The following SLC27A3 variants were observed in gnomAD, a reference collection of about 807,000 sequenced individuals.
SLC27A3 encodes the protein solute carrier family 27 member 3, also known as long-chain fatty acid transport protein 3.
Under a neutral mutation model 60.1 loss-of-function variants are expected in SLC27A3, and 60 were observed. The observed-to-expected ratio is 1.00, with a 90% CI of 0.81 to 1.24. The LOEUF (loss-of-function observed/expected upper bound fraction) is 1.24, where lower values mean the gene tolerates loss of function less well. Ranked by LOEUF, SLC27A3 falls within the 50% of genes most tolerant of loss-of-function variation. The probability of loss-of-function intolerance (pLI) is 0.00; values close to 1 mark genes in which losing one functional copy is unlikely to be tolerated. For missense variants in SLC27A3, 1,079 were observed against 929.9 expected (o/e 1.16, Z -2.09); for synonymous variants, 455 against 409.0 (o/e 1.11, Z -1.36).
Position 153,780,109 on chromosome 1 carries a change from A to G in SLC27A3, c.*107A>G, listed in dbSNP as rs1164737921. ...TTTCTATACCAGAACTGCGGTCACT[A>G]TTTTGTAATAAATGTGGCTGGAGCT... On this transcript the variant is annotated 3_prime_UTR_variant, in exon 10 of 10. Transcript: ENST00000624995. 2 of 982,938 alleles carry G rather than the reference A, an allele frequency of 2.0e-6. No individual in the cohort carries two copies. The highest frequency in any genetic ancestry group is 2.6e-5 in the East Asian group (1 of 37,848). The allele number at this position is 982,938 out of a possible 1,614,324, so 60.9% of individuals were successfully genotyped here.
intron 7 of SLC27A3, 64 bp downstream of exon 7, chr1:153,778,949 C>T: frequency 6.5e-7 from 1 of 1,546,404 alleles, no homozygotes; most frequent in East Asian, 2.2e-5. Flanking sequence ...AGCTTCTGAA[C>T]CTCAACTCTC....
rs753812754 is a variant in SLC27A3 at position 153,777,808 on chromosome 1, G to A, written c.1084G>A (p.Glu362Lys). 1.2e-6 allele frequency: 2 copies of A among 1,614,258 alleles called. No homozygotes were observed. The highest frequency in any genetic ancestry group is 3.3e-5 in the Admixed American group (2 of 60,032). ...KSKFSAGQFWEDCQQHRVTVF... is the reference protein window; with the variant it reads ...KSKFSAGQFWKDCQQHRVTVF... ...CAAGTTCTCGGCTGGTCAGTTCTGG[G>A]AAGATTGCCAGCAGCACAGGGTGAC... Residue 362 changes from glutamate (E) to lysine (K), a missense_variant, in exon 4 of 10, where the codon GAA becomes AAA. By Grantham distance (56) the Glu-to-Lys change is moderately conservative. Transcript: ENST00000624995.
In SLC27A3 at chr1:153,777,084, C is replaced by G. The variant is rs756222831; in HGVS notation, c.900C>G (p.Ile300Met). Residue 300 changes from isoleucine (I) to methionine (M), a missense_variant, in exon 3 of 10, where the codon ATC (isoleucine) becomes ATG (methionine). By Grantham distance (10) the Ile-to-Met change is conservative. Coordinates refer to ENST00000624995, the MANE Select transcript of SLC27A3 (RefSeq NM_024330.4). ...GTTGLPKAAR[I>M]SHLKILQCQG... The stretch of plus-strand genomic sequence containing the variant: ...CAGGCCTCCCCAAGGCTGCTCGGAT[C>G]AGTCATCTGAAGATCCTGCAATGCC... 2.5e-6 allele frequency: 4 copies of G among 1,614,222 alleles called. No homozygotes were observed.
chr1:153,777,961 CAG>C (rs1176149519), intron 4 of SLC27A3, 76 bp downstream of exon 4: 2 of 1,596,606 alleles, frequency 1.3e-6, no homozygotes, highest in Non-Finnish European at 1.7e-6. Context: ...TGACAGGAGA[CAG>C]GGAGTTGGAG....
chr1:153,775,857 C>A lies in SLC27A3; in HGVS notation c.360C>A (p.Gly120=). ...ALGWDWGPDG[G]DSGEGSAGEG... The stretch of plus-strand genomic sequence containing the variant: ...GCTGGGACTGGGGACCCGACGGCGG[C>A]GACAGCGGCGAGGGGAGCGCTGGAG... Residue 120 remains glycine, a synonymous_variant, in exon 1 of 10, where the codon GGC becomes GGA. Transcript: ENST00000624995. The A allele has an allele frequency of 6.7e-7, 1 of 1,490,850 alleles. No homozygotes were observed. The highest frequency in any genetic ancestry group is 8.9e-7 in the Non-Finnish European group (1 of 1,125,116). The allele number at this position is 1,490,850 out of a possible 1,614,324, so 92.4% of individuals were successfully genotyped here.
In SLC27A3 at chr1:153,777,207, C is replaced by T. The variant is rs1412240855; in HGVS notation, c.1023C>T (p.Gly341=). 1.9e-6 allele frequency: 3 copies of T among 1,614,228 alleles called. No homozygotes were observed. Among genetic ancestry groups the T allele is most frequent in the Non-Finnish European group, 2.5e-6 (3 of 1,180,030 alleles). ...CCGGTTCCCTGCTGGGCATCGTGGG[C>T]TGCATGGGCATTGGTCAGTCTCCCC... The part of the protein sequence containing the change: ...HMSGSLLGIV[G]CMGIGATVVL... Residue 341 remains glycine, a synonymous_variant, in exon 3 of 10, where the codon GGC becomes GGT. Transcript: ENST00000624995.
rs202144977 is a variant in SLC27A3, at chr1:153,779,493, G to A, written c.1875+20G>A. The A allele has an allele frequency of 3.4e-5, 55 of 1,605,214 alleles. No individual in the cohort carries two copies. The highest frequency in any genetic ancestry group is 1.1e-4 in the East Asian group (5 of 44,810). On this transcript the variant is annotated intron_variant, in intron 9 of 9. Transcript: ENST00000624995. Reference sequence around the variant, plus strand: ...CTCCAGGTAACCGGCCACTTCCCCCGCCGGCCCCTCACCCCATATATCCTC... The same window carrying A: ...CTCCAGGTAACCGGCCACTTCCCCCACCGGCCCCTCACCCCATATATCCTC...
Position 153,778,698 on chromosome 1 carries a change from C to T in SLC27A3, c.1459C>T (p.Leu487=). The change falls in exon 7 of 10, where the codon CTG becomes TTG. Residue 487 remains leucine (L), a synonymous_variant. Transcript: ENST00000624995. ...CMATSPGEPG[L]LVAPVSQQSP... ...GGTGACTCTGCCAGGTGAGCCAGGG[C>T]TGCTGGTGGCCCCGGTAAGCCAGCA... The T allele has an allele frequency of 6.2e-7, 1 of 1,612,916 alleles. No homozygotes were observed. The highest frequency in any genetic ancestry group is 8.5e-7 in the Non-Finnish European group (1 of 1,179,948).
chr1:153,780,153 C>A lies in SLC27A3; in HGVS notation c.*151C>A. On this transcript the variant is annotated 3_prime_UTR_variant, in exon 10 of 10. Transcript: ENST00000624995. ...TGGAGCTGATCCAGCTGTCTCTGAC[C>A]TACAGTATCTGTCATTATCTCTCTG... is the stretch of plus-strand genomic sequence containing the variant. 1.5e-6 allele frequency: 1 copy of A among 682,936 alleles called. No homozygotes were observed. The highest frequency in any genetic ancestry group is 2.4e-6 in the Non-Finnish European group (1 of 413,660). The allele number at this position is 682,936 out of a possible 1,614,324, so 42.3% of individuals were successfully genotyped here. A position where few individuals can be genotyped will look rare whatever the true frequency, so the allele number is the denominator to read the frequency against.
rs758559433 is a variant in SLC27A3, at chr1:153,778,190, G to A, written c.1191G>A (p.Arg397=). 6.2e-7 allele frequency: 1 copy of A among 1,611,782 alleles called. No individual in the cohort carries two copies. Among genetic ancestry groups the A allele is most frequent in the Non-Finnish European group, 8.5e-7 (1 of 1,179,922 alleles). Residue 397 remains arginine (R), a synonymous_variant, in exon 5 of 10, where the codon CGG becomes CGA. Transcript: ENST00000624995. ...AGGCAGAACGTGGCCATAAGGTCCGGCTGGCAGTGGGCAGCGGGCTGCGCC... is the reference window on the plus strand; with the variant it reads ...AGGCAGAACGTGGCCATAAGGTCCGACTGGCAGTGGGCAGCGGGCTGCGCC... ...PSKAERGHKV[R]LAVGSGLRPD...
Position 153,775,420 on chromosome 1 carries a change from C to G in SLC27A3, c.-78C>G. The G allele has an allele frequency of 6.2e-7, 1 of 1,611,726 alleles. No homozygotes were observed. Among genetic ancestry groups the G allele is most frequent in the Non-Finnish European group, 8.5e-7 (1 of 1,179,988 alleles). Reference sequence around the variant, plus strand: ...GAAGTCTCAGCTAGAACGAGCGGCCCTAGGTTTTCGGAAGGGAGGATCAGG... The same window carrying G: ...GAAGTCTCAGCTAGAACGAGCGGCCGTAGGTTTTCGGAAGGGAGGATCAGG... On this transcript the variant is annotated 5_prime_UTR_variant, in exon 1 of 10. Transcript: ENST00000624995.
In SLC27A3 at chr1:153,779,938, G is replaced by A. The variant is rs1280744792; in HGVS notation, c.1988G>A (p.Gly663Asp). Residue 663 changes from glycine to aspartate, a missense_variant, in exon 10 of 10, where the codon GGT (glycine) becomes GAT (aspartate). Coordinates refer to ENST00000624995, the MANE Select transcript of SLC27A3 (RefSeq NM_024330.4). Reference sequence around the variant, plus strand: ...CTGTACGTTCTGGACCAGGCTGTAGGTGCCTACCTGCCCCTCACAACTGCC... The same window carrying A: ...CTGTACGTTCTGGACCAGGCTGTAGATGCCTACCTGCCCCTCACAACTGCC... ...DPLYVLDQAV[G>D]AYLPLTTARY... 6.2e-7 allele frequency: 1 copy of A among 1,614,156 alleles called. No homozygotes were observed. Among genetic ancestry groups the A allele is most frequent in the Non-Finnish European group, 8.5e-7 (1 of 1,180,034 alleles).
chr1:153,777,942 C>A, intron 4 of SLC27A3, 57 bp downstream of exon 4: 3 of 1,610,264 alleles, frequency 1.9e-6, no homozygotes, highest in Non-Finnish European at 2.5e-6. Context: ...TCACGGGGAG[C>A]AGGACAGTTG....
At chr1:153,778,915 GGACATCTGATCTCTGT>G in intron 7 of SLC27A3, 30 bp downstream of exon 7, 1 of 1,603,180 alleles carries the variant, frequency 6.2e-7, no homozygotes. Flanking sequence ...TTTTCATCCT[GGACATCTGATCTCTGT>G]GATCCAAAGC....
At chr1:153,777,398 G>C (rs1030586535) in intron 3 of SLC27A3, 178 bp downstream of exon 3, 3 of 749,118 alleles carry the variant, frequency 4.0e-6, no homozygotes. Flanking sequence ...ACTGAGGAAC[G>C]GTGAGGGGGG....
At chr1:153,776,408 C>G (rs1311218499) in intron 1 of SLC27A3, 110 bp from the exon 2 acceptor site, 7 of 1,291,334 alleles carry the variant, frequency 5.4e-6, no homozygotes, top group African/African-American at 1.5e-5. Context: ...ATGTCCATAC[C>G]CTTCACCCTC....
rs372347674 is a variant in SLC27A3, at chr1:153,779,390, C to A, written c.1792C>A (p.His598Asn). The change falls in exon 9 of 10, where the codon CAC (histidine) becomes AAC (asparagine). Residue 598 changes from histidine to asparagine, a missense_variant. Coordinates refer to ENST00000624995, the MANE Select transcript of SLC27A3 (RefSeq NM_024330.4). Reference sequence around the variant, plus strand: ...GGCAGCCCTAGTTCTGCGTCCCCCCCACGCTTTGGACCTTATGCAGCTCTA... The same window carrying A: ...GGCAGCCCTAGTTCTGCGTCCCCCCAACGCTTTGGACCTTATGCAGCTCTA... ...GMAALVLRPP[H>N]ALDLMQLYTH... 11 of 1,613,298 alleles carry A rather than the reference C, an allele frequency of 6.8e-6. No individual in the cohort carries two copies. The highest frequency in any genetic ancestry group is 2.2e-5 in the East Asian group (1 of 44,820).
intron 3 of SLC27A3, 83 bp downstream of exon 3, chr1:153,777,303 A>G (rs1056977386): frequency 1.3e-6 from 2 of 1,517,148 alleles, no homozygotes; most frequent in Non-Finnish European, 1.8e-6. Flanking sequence ...CCTCCAGGGT[A>G]GATAATCTAG....
rs1470870394 is a variant in SLC27A3, at chr1:153,775,468, C to T, written c.-30C>T. On this transcript the variant is annotated 5_prime_UTR_variant, in exon 1 of 10. The change creates a premature stop within an existing upstream ORF in the 5' untranslated region. Coordinates refer to ENST00000624995, the MANE Select transcript of SLC27A3 (RefSeq NM_024330.4). ...AGGGATGTTTGCGAGCGGCTGGAACCAGACGGTGCCGATAGAGGAAGCGGG... is the reference window on the plus strand; with the variant it reads ...AGGGATGTTTGCGAGCGGCTGGAACTAGACGGTGCCGATAGAGGAAGCGGG... 1 of 1,613,086 alleles carries T rather than the reference C, an allele frequency of 6.2e-7. No individual in the cohort carries two copies. The highest frequency in any genetic ancestry group is 1.1e-5 in the South Asian group (1 of 91,088).
Sources: gnomAD v4.1 joint callset for allele counts on GRCh38, gnomAD v4.1.1 for gene constraint, MANE v1.5 for transcripts, NCBI Gene and HGNC (gene_info 2026-07-23, HGNC 2026-07-21) for gene names.